Variants in ENTREP2 observed in about 807,000 individuals in gnomAD.
ENTREP2 encodes the protein protein ENTREP2.
At chr15:29,550,858 A>G in the ENTREP2 span, among the ~76,000 whole-genome samples, 1 of 152,154 alleles carries the variant, frequency 6.6e-6, no homozygotes, top group African/African-American at 2.4e-5. Flanking sequence ...GACCTCACAC[A>G]TCATCTTTCC....
At chr15:29,418,565 A>G in the ENTREP2 span, among the ~76,000 whole-genome samples, 17 of 152,200 alleles carry the variant, frequency 1.1e-4, no homozygotes, top group African/African-American at 3.9e-4. Flanking sequence ...CACAATTCTA[A>G]AAGGCAGTTC....
the ENTREP2 span, among the ~76,000 whole-genome samples, chr15:29,221,990 A>G: frequency 2.0e-5 from 3 of 152,150 alleles, no homozygotes; most frequent in Non-Finnish European, 4.4e-5. Context: ...GTAACATTTC[A>G]GTGTGTGTTG....
the ENTREP2 span, among the ~76,000 whole-genome samples, chr15:29,504,954 T>C: frequency 1.3e-5 from 2 of 152,246 alleles, no homozygotes; most frequent in African/African-American, 4.8e-5. Context: ...CTTCTGAAGT[T>C]GTGCAAAGAT....
the ENTREP2 span, among the ~76,000 whole-genome samples, chr15:29,591,550 T>C: frequency 6.6e-6 from 1 of 152,128 alleles, no homozygotes; most frequent in Non-Finnish European, 1.5e-5. Flanking sequence ...AGAATCAGGT[T>C]AAAATGAGGT....
At chr15:29,669,946 T>G in the ENTREP2 span, among the ~76,000 whole-genome samples, 1 of 152,196 alleles carries the variant, frequency 6.6e-6, no homozygotes, top group East Asian at 1.9e-4. Flanking sequence ...ATGTTGGCTG[T>G]GCTTAAAAAT....
chr15:29,275,953 G>A, the ENTREP2 span, among the ~76,000 whole-genome samples: 1 of 152,188 alleles, frequency 6.6e-6, no homozygotes, highest in Non-Finnish European at 1.5e-5. Context: ...ATACTATTTT[G>A]GTGGGTAGAC....
the ENTREP2 span, among the ~76,000 whole-genome samples, chr15:29,277,745 T>C: frequency 6.6e-6 from 1 of 152,204 alleles, no homozygotes; most frequent in African/African-American, 2.4e-5. Context: ...AAAGTGGCTG[T>C]GTTCTCCATA....
chr15:29,326,807 A>C, the ENTREP2 span, among the ~76,000 whole-genome samples: 2 of 152,302 alleles, frequency 1.3e-5, no homozygotes, highest in East Asian at 3.9e-4. Context: ...ACCCAATTTA[A>C]AGATTTACAA....
the ENTREP2 span, among the ~76,000 whole-genome samples, chr15:29,134,072 A>C: frequency 5.9e-5 from 9 of 152,048 alleles, no homozygotes; most frequent in African/African-American, 2.2e-4. Context: ...GCCTGACATC[A>C]TGACAGGTGC....
the ENTREP2 span, among the ~76,000 whole-genome samples, chr15:29,139,495 A>C: frequency 3.9e-5 from 6 of 152,242 alleles, no homozygotes; most frequent in Non-Finnish European, 7.3e-5. Context: ...TCTATCAGAA[A>C]TTAGAAAAAA....
the ENTREP2 span, among the ~76,000 whole-genome samples, chr15:29,621,314 G>A: frequency 5.3e-5 from 8 of 151,962 alleles, no homozygotes; most frequent in Non-Finnish European, 1.0e-4. Flanking sequence ...ACGAGGTCAG[G>A]AGATCGAGAC....
the ENTREP2 span, chr15:29,124,776 G>A: frequency 6.5e-7 from 1 of 1,547,936 alleles, no homozygotes; most frequent in Non-Finnish European, 8.7e-7. Flanking sequence ...ACCAGAAGGA[G>A]AATTCAGTGA....
chr15:29,248,598 C>A, the ENTREP2 span, among the ~76,000 whole-genome samples: 1 of 151,946 alleles, frequency 6.6e-6, no homozygotes, highest in Non-Finnish European at 1.5e-5. Context: ...CATAATTACA[C>A]ATATATGTAT....
At chr15:29,129,308 G>A in the ENTREP2 span, among the ~76,000 whole-genome samples, 12 of 152,082 alleles carry the variant, frequency 7.9e-5, no homozygotes, top group South Asian at 4.2e-4. Context: ...CAGGCGATCC[G>A]CCTGCTTTGG....
At chr15:29,232,651 C>A in the ENTREP2 span, among the ~76,000 whole-genome samples, 1 of 145,860 alleles carries the variant, frequency 6.9e-6, no homozygotes, top group Non-Finnish European at 1.5e-5. Flanking sequence ...CACCACCACA[C>A]CCGCCTAATT....
At chr15:29,440,593 A>C in the ENTREP2 span, among the ~76,000 whole-genome samples, 1 of 152,190 alleles carries the variant, frequency 6.6e-6, no homozygotes, top group African/African-American at 2.4e-5. Context: ...TTCCAACGTT[A>C]GCTCAGCTGC....
At chr15:29,510,465 C>T in the ENTREP2 span, among the ~76,000 whole-genome samples, 1 of 152,172 alleles carries the variant, frequency 6.6e-6, no homozygotes, top group Non-Finnish European at 1.5e-5. Context: ...TTTATTGCAG[C>T]ACTATTCACA....
At chr15:29,155,187 C>T in the ENTREP2 span, among the ~76,000 whole-genome samples, 1 of 151,588 alleles carries the variant, frequency 6.6e-6, no homozygotes, top group African/African-American at 2.4e-5. Context: ...GAGGCTGAGG[C>T]AGGAGAATGG....
At chr15:29,415,339 G>A in the ENTREP2 span, among the ~76,000 whole-genome samples, 2 of 152,304 alleles carry the variant, frequency 1.3e-5, 1 homozygote. Flanking sequence ...ATGCAAGGCT[G>A]GTTCAACAAG....
Sources: gnomAD v4.1 joint callset for allele counts (sites outside exome capture counted in the v4.1 genomes callset) on GRCh38, gnomAD v4.1.1 for gene constraint, MANE v1.5 for transcripts, NCBI Gene and HGNC (gene_info 2026-07-23, HGNC 2026-07-21) for gene names.